BCL9: variants seen among roughly 807,000 people sequenced by gnomAD.
The protein encoded by BCL9 is B-cell CLL/lymphoma 9 protein.
A neutral mutation model predicts 88.5 loss-of-function variants in BCL9; 25 were observed. That is an observed-to-expected ratio of 0.28 (90% CI 0.21 to 0.39). The LOEUF (loss-of-function observed/expected upper bound fraction) is 0.39, where lower values mean the gene tolerates loss of function less well. BCL9 is among the 10% of genes least tolerant of loss of function. BCL9 has a pLI of 1.00. For synonymous variants in BCL9, 711 were observed against 673.3 expected, an observed-to-expected ratio of 1.06 and a Z score of -0.87; for missense variants, 1,817 against 1,877.8, an observed-to-expected ratio of 0.97 and a Z score of 0.60.
rs116506820 is a variant in BCL9, at chr1:147,622,026, C to A, written c.2903-245C>A. Reference sequence around the variant, plus strand: ...CAAGCTTGAACTAATATTTCTAACACATTCCTGGTGTGTTTGTCTTCACAT... The same window carrying A: ...CAAGCTTGAACTAATATTTCTAACAAATTCCTGGTGTGTTTGTCTTCACAT... On this transcript the variant is annotated intron_variant, in intron 8 of 9. Coordinates refer to ENST00000234739, the MANE Select transcript of BCL9 (RefSeq NM_004326.4). Among the ~76,000 whole-genome samples the A allele has an allele frequency of 4.0e-3, 604 of 152,248 alleles. 7 individuals carry two copies. Among genetic ancestry groups the A allele is most frequent in the African/African-American group, 0.014 (577 of 41,540 alleles).
chr1:147,544,616 C>T (rs1654474325), intron 1 of BCL9, among the ~76,000 whole-genome samples: 1 of 152,144 alleles, frequency 6.6e-6, no homozygotes, highest in African/African-American at 2.4e-5. Flanking sequence ...TGGTACTAAA[C>T]ACTCAGCTGC....
At chr1:147,590,312 C>T (rs981589501) in intron 1 of BCL9, among the ~76,000 whole-genome samples, 1 of 152,224 alleles carries the variant, frequency 6.6e-6, no homozygotes, top group African/African-American at 2.4e-5. Context: ...CTTCCTCTTA[C>T]ATTTATATGC....
intron 1 of BCL9, among the ~76,000 whole-genome samples, chr1:147,561,950 T>G (rs748946471): frequency 2.6e-5 from 4 of 152,192 alleles, no homozygotes; most frequent in Non-Finnish European, 4.4e-5. Context: ...AGAGTCATGT[T>G]CTGAGAAGAG....
intron 1 of BCL9, among the ~76,000 whole-genome samples, chr1:147,555,284 C>T (rs1422417635): frequency 6.6e-6 from 1 of 152,112 alleles, no homozygotes; most frequent in Non-Finnish European, 1.5e-5. Flanking sequence ...ACTGATTTCT[C>T]CCCTGGGAAG....
intron 5 of BCL9, 110 bp downstream of exon 5, chr1:147,613,309 A>T (rs1384488956): frequency 9.3e-7 from 1 of 1,074,878 alleles, no homozygotes. Context: ...TGGGGAGAGT[A>T]GGTATCAGAT....
rs112532122 is a variant in BCL9, at chr1:147,545,015, CT to C, written c.-478+3350del. On this transcript the variant is annotated intron_variant, in intron 1 of 9. Transcript: ENST00000234739. ...GTTGTCTTCAGTGTTGTCAATCCAT[CT>C]TTTTTTTTAAGATTAATTTAATAGT... 1.2e-4 allele frequency among the ~76,000 whole-genome samples: 18 copies of C among 151,498 alleles called. No individual in the cohort carries two copies. The East Asian group carries it at 2.1e-3, about 18-fold the overall frequency.
rs1557866896 is a variant in BCL9, at chr1:147,624,947, C to T, written c.4269C>T (p.Asn1423=). 6.2e-7 allele frequency: 1 copy of T among 1,608,288 alleles called. No homozygotes were observed. The highest frequency in any genetic ancestry group is 1.1e-5 in the South Asian group (1 of 90,968). ...GFSQGPGNPG[N]MMF is the part of the protein sequence containing the mutation. ...GCCAAGGACCTGGCAACCCAGGAAA[C>T]ATGATGTTTTAAGCTGCTAAGATGG... The change falls in exon 10 of 10, where the codon AAC becomes AAT. Residue 1423 remains asparagine, a synonymous_variant. Transcript: ENST00000234739. This position sits in a 1 kb window ranked among gnomAD's most constrained non-coding sequence, Gnocchi z 4.4.
At chr1:147,553,144 C>T (rs587663104) in intron 1 of BCL9, among the ~76,000 whole-genome samples, 17 of 152,142 alleles carry the variant, frequency 1.1e-4, no homozygotes, top group East Asian at 5.8e-4. Flanking sequence ...TTTCTACATC[C>T]GAATCCTGTT....
rs1658818729 is a variant in BCL9, at chr1:147,624,313, C to T, written c.3635C>T (p.Pro1212Leu). ...TTCACTGTCCTGGGGAACAGCATGC[C>T]TTCGGTGTTTACAGACCCAGATCTG... ...DSFTVLGNSM[P>L]SVFTDPDLQE... Residue 1212 changes from proline (P) to leucine (L), a missense_variant, in exon 10 of 10, where the codon CCT becomes CTT. Transcript: ENST00000234739. This position sits in a 1 kb window ranked among gnomAD's most constrained non-coding sequence, Gnocchi z 4.4. 1 of 1,614,176 alleles carries T rather than the reference C, an allele frequency of 6.2e-7. No homozygotes were observed. The highest frequency in any genetic ancestry group is 8.5e-7 in the Non-Finnish European group (1 of 1,180,028).
intron 1 of BCL9, among the ~76,000 whole-genome samples, chr1:147,570,107 G>C (rs782585095): frequency 6.6e-6 from 1 of 152,184 alleles, no homozygotes; most frequent in Non-Finnish European, 1.5e-5. Flanking sequence ...CTTATTTTCT[G>C]TGTGTTAAAT....
chr1:147,560,955 G>GT (rs1655345988), intron 1 of BCL9, among the ~76,000 whole-genome samples: 1 of 152,214 alleles, frequency 6.6e-6, no homozygotes, highest in African/African-American at 2.4e-5. Flanking sequence ...GCAAAAGACA[G>GT]TGAGTGAGGA....
intron 1 of BCL9, among the ~76,000 whole-genome samples, chr1:147,604,054 A>G (rs1023064632): frequency 1.3e-5 from 2 of 152,192 alleles, no homozygotes; most frequent in East Asian, 3.8e-4. Flanking sequence ...TATTATGCCA[A>G]GATATCTGCA....
At chr1:147,553,673 C>G (rs1350242467) in intron 1 of BCL9, among the ~76,000 whole-genome samples, 1 of 152,160 alleles carries the variant, frequency 6.6e-6, no homozygotes, top group African/African-American at 2.4e-5. Flanking sequence ...CCCTAGTTCC[C>G]TTTTGGAAAA....
At chr1:147,564,156 T>G (rs1655504218) in intron 1 of BCL9, among the ~76,000 whole-genome samples, 1 of 152,160 alleles carries the variant, frequency 6.6e-6, no homozygotes, top group Admixed American at 6.5e-5. Flanking sequence ...GACTAGTAAC[T>G]TCCTCAACAA....
In BCL9 at chr1:147,620,525, T is replaced by G. The variant is rs782220181; in HGVS notation, c.2370T>G (p.Gly790=). Residue 790 remains glycine, a synonymous_variant, in exon 8 of 10, where the codon GGT becomes GGG. Coordinates refer to ENST00000234739, the MANE Select transcript of BCL9 (RefSeq NM_004326.4). Reference sequence around the variant, plus strand: ...GACCATTCCTTCCCATGTCTCAGGGTCCAGGCAGCAACAGTGGCTTGCGGA... The same window carrying G: ...GACCATTCCTTCCCATGTCTCAGGGGCCAGGCAGCAACAGTGGCTTGCGGA... ...GPRPFLPMSQ[G]PGSNSGLRNL... 6.2e-7 allele frequency: 1 copy of G among 1,614,024 alleles called. No individual in the cohort carries two copies. The highest frequency in any genetic ancestry group is 1.1e-5 in the South Asian group (1 of 91,070).
At position 147,624,671 on chromosome 1, in the gene BCL9, T is replaced by C; in HGVS notation, c.3993T>C (p.His1331=). ...FLQQGMMGPH[H]RMMSPAQSTM... is the part of the protein sequence containing the mutation. ...AACAAGGCATGATGGGACCTCACCA[T>C]CGGATGATGTCACCAGCACAATCTA... Residue 1331 remains histidine (H), a synonymous_variant, in exon 10 of 10, where the codon CAT becomes CAC. Transcript: ENST00000234739. The surrounding 1 kb of genome is among the most constrained non-coding windows in gnomAD (Gnocchi z 4.4). 6.2e-7 allele frequency: 1 copy of C among 1,613,988 alleles called. No individual in the cohort carries two copies. The highest frequency in any genetic ancestry group is 8.5e-7 in the Non-Finnish European group (1 of 1,179,992).
intron 1 of BCL9, among the ~76,000 whole-genome samples, chr1:147,556,775 A>G (rs949489638): frequency 2.0e-5 from 3 of 152,178 alleles, no homozygotes; most frequent in African/African-American, 7.2e-5. Flanking sequence ...GTGAATGGAG[A>G]CCACAGATTA....
chr1:147,603,483 CT>C (rs1657504007), intron 1 of BCL9, among the ~76,000 whole-genome samples: 1 of 152,068 alleles, frequency 6.6e-6, no homozygotes, highest in Non-Finnish European at 1.5e-5. Flanking sequence ...ATTACTTGCT[CT>C]AGATCAGGGT....
intron 1 of BCL9, chr1:147,600,114 A>G (rs1570885018): frequency 1.1e-5 from 1 of 91,450 alleles, no homozygotes; most frequent in Admixed American, 1.1e-4. Flanking sequence ...AAGGGGCGGG[A>G]CCGGGAGGGG....
Sources: gnomAD v4.1 joint callset for allele counts (sites outside exome capture counted in the v4.1 genomes callset) on GRCh38, gnomAD v4.1.1 for gene constraint, Gnocchi (gnomAD v3.1) non-coding constraint, MANE v1.5 for transcripts, NCBI Gene and HGNC (gene_info 2026-07-23, HGNC 2026-07-21) for gene names.